Variants in SETX observed in about 807,000 individuals in gnomAD.
The protein encoded by SETX is helicase senataxin.
SETX carries 90 observed loss-of-function variants against 227.2 expected under a neutral mutation model. The ratio of observed to expected loss-of-function variants is 0.40; its 90% CI spans 0.33 to 0.47. The LOEUF (loss-of-function observed/expected upper bound fraction) is 0.47. SETX is among the 20% of genes least tolerant of loss of function. The pLI, the probability that SETX is intolerant of heterozygous loss-of-function variation, is 0.91. For synonymous variants in SETX, 1,210 were observed against 1,113.2 expected (o/e 1.09, Z -1.73); for missense variants, 3,052 against 3,181.5 (o/e 0.96, Z 0.98).
At chr9:132,317,173 T>C (rs886279373) in intron 10 of SETX, among the ~76,000 whole-genome samples, 10 of 152,260 alleles carry the variant, frequency 6.6e-5, no homozygotes, top group African/African-American at 2.2e-4. Context: ...ATTAGACTAG[T>C]TACTAACAGG....
chr9:132,356,683 T>C (rs2131603474), upstream of SETX, among the ~76,000 whole-genome samples: 1 of 152,210 alleles, frequency 6.6e-6, no homozygotes, highest in East Asian at 1.9e-4. Context: ...AGGAGAACCC[T>C]GGCCCGAGGA....
intron 11 of SETX, among the ~76,000 whole-genome samples, chr9:132,310,877 T>C (rs1187389707): frequency 1.3e-5 from 2 of 152,218 alleles, no homozygotes; most frequent in Admixed American, 1.3e-4. Flanking sequence ...AAATATATCT[T>C]CTCTTCCTTA....
chr9:132,330,560 C>A (rs1847158116), intron 9 of SETX, 61 bp from the exon 10 acceptor site: 2 of 1,445,790 alleles, frequency 1.4e-6, no homozygotes, highest in Admixed American at 3.5e-5. Flanking sequence ...AGGTTCAACA[C>A]CCAAGTCGTT....
chr9:132,320,907 G>A (rs564480123), intron 10 of SETX, among the ~76,000 whole-genome samples: 3 of 152,280 alleles, frequency 2.0e-5, no homozygotes, highest in East Asian at 1.9e-4. Context: ...GCCCAAGAAC[G>A]TGAACTCCAA....
In SETX at chr9:132,298,259, G is replaced by T. The variant is rs1844789381; in HGVS notation, c.5602C>A (p.Pro1868Thr). ...YLSIQTQENF[P>T]ANLNELVNCI... ...TTCACAAGTTCGTTTAAATTGGCCG[G>T]AAAGTTCTCTTGAGTCTGGATGGAA... The change falls in exon 13 of 26, where the codon CCG becomes ACG. Residue 1868 changes from proline (P) to threonine (T), a missense_variant. Around this residue, in one of 10 missense-constraint regions of SETX, gnomAD observed 239 missense variants for 272.1 expected, o/e 0.88. Transcript: ENST00000224140. 6.2e-7 allele frequency: 1 copy of T among 1,614,068 alleles called. No individual in the cohort carries two copies. Among genetic ancestry groups the T allele is most frequent in the Non-Finnish European group, 8.5e-7 (1 of 1,180,000 alleles).
chr9:132,285,183 A>G (rs1406457951), intron 18 of SETX, among the ~76,000 whole-genome samples: 1 of 151,664 alleles, frequency 6.6e-6, no homozygotes, highest in Non-Finnish European at 1.5e-5. Context: ...GGCCAAAGCT[A>G]TTTTCATTAA....
intron 22 of SETX, among the ~76,000 whole-genome samples, chr9:132,276,021 G>A (rs1036394171): frequency 6.6e-6 from 1 of 151,998 alleles, no homozygotes; most frequent in African/African-American, 2.4e-5. Flanking sequence ...CTCATATCCT[G>A]CACTCTCAAC....
chr9:132,264,308 C>A lies in SETX; in HGVS notation c.7965G>T (p.Arg2655Ser). 2 of 1,614,204 alleles carry A rather than the reference C, an allele frequency of 1.2e-6. No homozygotes were observed. The highest frequency in any genetic ancestry group is 2.2e-5 in the South Asian group (2 of 91,088). ...GTGTCCTCTTGTCCCACCTAGAGTT[C>A]CTCCTGGTGTGATGGGTCTCGGAAC... ...KCGSETHHTRRNSRWDKRTLE... is the reference protein window; with the variant it reads ...KCGSETHHTRSNSRWDKRTLE... The change falls in exon 26 of 26, where the codon AGG becomes AGT. Residue 2655 changes from arginine (R) to serine (S), a missense_variant. This residue lies in a region of SETX where 294 missense variants were observed against 278.8 expected (regional missense o/e 1.05). Transcript: ENST00000224140.
In SETX at chr9:132,329,203, G is replaced by A. The variant is rs200459144; in HGVS notation, c.2395C>T (p.His799Tyr). 158 of 1,613,562 alleles carry A rather than the reference G, an allele frequency of 9.8e-5. No homozygotes were observed. Among genetic ancestry groups the A allele is most frequent in the Non-Finnish European group, 1.3e-4 (153 of 1,179,920 alleles). ...TTATCGACCAAAGTACTCTTCCTGT[G>A]TTGCTTCTTTATTACATGTGATAAC... ...AKLSHVIKKQ[H>Y]RKSTLVDNTI... The change falls in exon 10 of 26, where the codon CAC (histidine) becomes TAC (tyrosine). Residue 799 changes from histidine (H) to tyrosine (Y), a missense_variant. His to Tyr is a moderately conservative substitution (Grantham distance 83). Transcript: ENST00000224140.
rs1316243959 is a variant in SETX at position 132,299,644 on chromosome 9, C to T, written c.5548+986G>A. On this transcript the variant is annotated intron_variant, in intron 12 of 25. Coordinates refer to ENST00000224140, the MANE Select transcript of SETX (RefSeq NM_015046.7). ...ACTAAGACTAAAAAAGTTGCAATTG[C>T]CAAAAAGGCAGTTTGGCATAAGAAA... Among the ~76,000 whole-genome samples, 4 of 152,096 alleles carry T rather than the reference C, an allele frequency of 2.6e-5. No individual in the cohort carries two copies. In the East Asian group the frequency reaches 7.7e-4, roughly 29 times the overall value.
chr9:132,336,565 A>C, intron 5 of SETX, 50 bp from the exon 6 acceptor site: 1 of 1,264,780 alleles, frequency 7.9e-7, no homozygotes, highest in Non-Finnish European at 1.2e-6. Flanking sequence ...ATGGTCTACA[A>C]ACAGCAAGAA....
At chr9:132,298,441 T>C (rs1376151877) in intron 12 of SETX, 129 bp from the exon 13 acceptor site, 22 of 828,228 alleles carry the variant, frequency 2.7e-5, no homozygotes, top group Admixed American at 2.5e-4. Context: ...ACCCAGTAAA[T>C]ATTTATGGAC....
chr9:132,297,755 G>C (rs1274544313), intron 13 of SETX, among the ~76,000 whole-genome samples: 2 of 152,080 alleles, frequency 1.3e-5, no homozygotes, highest in East Asian at 1.9e-4. Flanking sequence ...AACAATACCG[G>C]CCAATTCTCC....
chr9:132,339,246 G>A (rs1847824129), intron 5 of SETX, among the ~76,000 whole-genome samples: 1 of 152,132 alleles, frequency 6.6e-6, no homozygotes, highest in East Asian at 1.9e-4. Context: ...CACTTTGGGA[G>A]GCTGAGGTAT....
intron 2 of SETX, among the ~76,000 whole-genome samples, chr9:132,352,061 C>G (rs141045394): frequency 6.6e-6 from 1 of 152,228 alleles, no homozygotes; most frequent in South Asian, 2.1e-4. Context: ...TTCTTCTACA[C>G]TTCTCAGCTA....
intron 10 of SETX, among the ~76,000 whole-genome samples, chr9:132,322,102 A>C (rs974342576): frequency 3.3e-5 from 5 of 152,194 alleles, no homozygotes; most frequent in African/African-American, 1.2e-4. Context: ...TCCAGAGTGC[A>C]ACCATAAAGA....
intron 11 of SETX, among the ~76,000 whole-genome samples, chr9:132,304,743 A>G (rs1450413742): frequency 6.6e-6 from 1 of 150,502 alleles, no homozygotes; most frequent in East Asian, 1.9e-4. Flanking sequence ...CGCGCCTGTA[A>G]TTTAGGCACT....
Position 132,277,092 on chromosome 9 carries a change from A to G in SETX, c.6903T>C (p.Asp2301=), listed in dbSNP as rs143483562. ...CCCGTCTTTCTGAACCATCTCCAAC[A>G]TCAAACACAAGGTATGGCTGAAATG... is the stretch of plus-strand genomic sequence containing the variant. The part of the protein sequence containing the change: ...DWPFQPYLVF[D]VGDGSERRDN... Residue 2301 remains aspartate (D), a synonymous_variant, in exon 22 of 26, where the codon GAT becomes GAC. Transcript: ENST00000224140. 5 of 1,614,026 alleles carry G rather than the reference A, an allele frequency of 3.1e-6. No homozygotes were observed. The highest frequency in any genetic ancestry group is 4.2e-6 in the Non-Finnish European group (5 of 1,179,994).
chr9:132,288,283 C>T lies in SETX; in HGVS notation c.6277G>A (p.Glu2093Lys). 3 of 1,614,232 alleles carry T rather than the reference C, an allele frequency of 1.9e-6. No homozygotes were observed. The highest frequency in any genetic ancestry group is 2.5e-6 in the Non-Finnish European group (3 of 1,180,034). The change falls in exon 17 of 26, where the codon GAG becomes AAG. Residue 2093 changes from glutamate to lysine, a missense_variant. Transcript: ENST00000224140. ...RKEFLDYQLDELSRQRALCRG... is the reference protein window; with the variant it reads ...RKEFLDYQLDKLSRQRALCRG... ...CATAGAGCTCGCTGCCGGGAAAGCT[C>T]ATCCAGCTGATAATCTAGAAATTCC...
Sources: allele counts gnomAD v4.1 joint callset (sites outside exome capture counted in the v4.1 genomes callset), GRCh38; gene constraint gnomAD v4.1.1; regional missense constraint gnomAD v4.1.1; transcripts MANE v1.5; gene names NCBI Gene and HGNC (gene_info 2026-07-23, HGNC 2026-07-21).